The following ARHGEF18 variants were observed in gnomAD, a reference collection of about 807,000 sequenced individuals.
ARHGEF18 encodes the protein rho guanine nucleotide exchange factor 18.
A neutral mutation model predicts 155.7 loss-of-function variants in ARHGEF18; 93 were observed. The observed-to-expected ratio is 0.60, with a 90% CI of 0.50 to 0.71. The LOEUF (loss-of-function observed/expected upper bound fraction) is 0.71. ARHGEF18 is among the 30% of genes least tolerant of loss of function. ARHGEF18 has a pLI of 0.00. For synonymous variants in ARHGEF18, 742 were observed against 753.1 expected, an observed-to-expected ratio of 0.99 and a Z score of 0.24; for missense variants, 1,593 against 1,816.1, an observed-to-expected ratio of 0.88 and a Z score of 2.23.
chr19:7,402,753 G>T (rs981106175), intron 10 of ARHGEF18, among the ~76,000 whole-genome samples: 28 of 152,228 alleles, frequency 1.8e-4, no homozygotes, highest in African/African-American at 6.3e-4. Flanking sequence ...GGAGATGTCA[G>T]TGTGCCCATG....
chr19:7,451,446 T>C (rs1262834361), intron 16 of ARHGEF18, among the ~76,000 whole-genome samples, 180 bp downstream of exon 16: 2 of 150,094 alleles, frequency 1.3e-5, no homozygotes, highest in African/African-American at 4.9e-5. Context: ...TCTCACTCTG[T>C]TGCCCAGGCT....
chr19:7,412,545 C>T (rs1972750115), intron 10 of ARHGEF18, among the ~76,000 whole-genome samples: 1 of 151,752 alleles, frequency 6.6e-6, no homozygotes, highest in Non-Finnish European at 1.5e-5. Flanking sequence ...AGTTCCAGAC[C>T]AGCCTGGCCA....
chr19:7,472,617 C>G, downstream of ARHGEF18: 1 of 211,112 alleles, frequency 4.7e-6, no homozygotes, highest in South Asian at 7.4e-5. Context: ...CCTCCGTGTC[C>G]TGCTTAACGC....
intron 15 of ARHGEF18, among the ~76,000 whole-genome samples, chr19:7,450,576 C>T (rs75262570): frequency 3.8e-5 from 1 of 26,320 alleles, no homozygotes; most frequent in Non-Finnish European, 9.2e-5. Flanking sequence ...GTGTGAATGT[C>T]GATCTTGCTT....
chr19:7,353,175 C>T (rs1009197837), intron 1 of ARHGEF18, among the ~76,000 whole-genome samples: 7 of 151,876 alleles, frequency 4.6e-5, no homozygotes, highest in Non-Finnish European at 7.4e-5. Flanking sequence ...ATTCTTCCAA[C>T]TCTGACTGCC....
chr19:7,465,936 T>C (rs1032704113), intron 23 of ARHGEF18, among the ~76,000 whole-genome samples: 1 of 151,148 alleles, frequency 6.6e-6, no homozygotes, highest in South Asian at 2.1e-4. Flanking sequence ...ATATAAAAAT[T>C]AGCTGGACGT....
intron 10 of ARHGEF18, among the ~76,000 whole-genome samples, chr19:7,386,033 CCT>C (rs142761518): frequency 7.1e-4 from 94 of 131,940 alleles, no homozygotes; most frequent in African/African-American, 2.5e-3. Flanking sequence ...TCCCTCTCTC[CCT>C]CTCTCTCTCT....
At chr19:7,378,476 G>C (rs1293663504) in intron 6 of ARHGEF18, 25 bp downstream of exon 6, 3 of 1,234,142 alleles carry the variant, frequency 2.4e-6, no homozygotes, top group Admixed American at 8.5e-5. Flanking sequence ...CGTGGTGGGG[G>C]AGGGACCCCC....
intron 10 of ARHGEF18, among the ~76,000 whole-genome samples, chr19:7,426,440 T>TTGCG (rs1284342031): frequency 6.7e-6 from 1 of 148,516 alleles, no homozygotes. Flanking sequence ...TGAGCTGAGA[T>TTGCG]TGCGCCAGCA....
Position 7,459,231 on chromosome 19 carries a change from TGTTTTTTAGAGTCTG to T in ARHGEF18, c.2360+543_2360+557del, listed in dbSNP as rs1976045902. Among the ~76,000 whole-genome samples, 4 of 151,966 alleles carry T rather than the reference TGTTTTTTAGAGTCTG, an allele frequency of 2.6e-5. No homozygotes were observed. The South Asian group carries it at 8.3e-4, about 32-fold the overall frequency. On this transcript the variant is annotated intron_variant, in intron 19 of 28. Coordinates refer to ENST00000668164, the MANE Select transcript of ARHGEF18 (RefSeq NM_001367823.1). ...CAGCCTATTTTGTTTTGTTTTGTTT[TGTTTTTTAGAGTCTG>T]GCTCTTGCTCTATCACCCAGGCTGG...
intron 3 of ARHGEF18, among the ~76,000 whole-genome samples, chr19:7,375,387 G>GAAGA (rs1568277124): frequency 7.1e-4 from 102 of 144,462 alleles, no homozygotes; most frequent in African/African-American, 2.5e-3. Flanking sequence ...GAAAGAAAAG[G>GAAGA]AAGGAAGGAA....
intron 7 of ARHGEF18, among the ~76,000 whole-genome samples, chr19:7,380,709 C>A (rs748446374): frequency 3.3e-5 from 5 of 152,014 alleles, no homozygotes; most frequent in Non-Finnish European, 7.4e-5. Context: ...AAAACATCTT[C>A]CTGCTACACT....
intron 2 of ARHGEF18, among the ~76,000 whole-genome samples, chr19:7,364,350 A>G (rs1423546189): frequency 7.1e-6 from 1 of 140,256 alleles, no homozygotes; most frequent in Non-Finnish European, 1.5e-5. Flanking sequence ...GAAGAAAGGA[A>G]GGAAGGAGGG....
chr19:7,449,155 C>T (rs1975201187), intron 15 of ARHGEF18, among the ~76,000 whole-genome samples: 1 of 152,120 alleles, frequency 6.6e-6, no homozygotes, highest in African/African-American at 2.4e-5. Flanking sequence ...CAGTGGCTCT[C>T]TGCAAGTGCT....
chr19:7,385,843 C>A lies in ARHGEF18; in HGVS notation c.967+2640C>A, dbSNP rs938607761. Among the ~76,000 whole-genome samples, 41 of 96,774 alleles carry A rather than the reference C, an allele frequency of 4.2e-4. No individual in the cohort carries two copies. The East Asian group carries it at 8.5e-3, about 20-fold the overall frequency. 63.5% of individuals were successfully genotyped at this position (96,774 alleles called of 152,430 possible). A position where few individuals can be genotyped will look rare whatever the true frequency, so the allele number is the denominator to read the frequency against. ...GATCTATCTCTCTCTATCTCTCTCT[C>A]TCTCTCTCTCTCTCTCTCTCTCTCT... On this transcript the variant is annotated intron_variant, in intron 10 of 28. Transcript: ENST00000668164.
chr19:7,443,373 T>C (rs1974791753), intron 13 of ARHGEF18, among the ~76,000 whole-genome samples: 1 of 152,116 alleles, frequency 6.6e-6, no homozygotes, highest in South Asian at 2.1e-4. Context: ...CTCATTTTTT[T>C]ATTTTTTGGT....
chr19:7,468,793 C>A, intron 26 of ARHGEF18, 32 bp from the exon 27 acceptor site: 1 of 1,501,824 alleles, frequency 6.7e-7, no homozygotes, highest in Non-Finnish European at 8.9e-7. Context: ...GCAGGAACCT[C>A]ACATTGGATG....
At chr19:7,361,948 C>T (rs1044909185) in intron 1 of ARHGEF18, among the ~76,000 whole-genome samples, 11 of 150,550 alleles carry the variant, frequency 7.3e-5, no homozygotes, top group Admixed American at 2.7e-4. Flanking sequence ...GCTGAGATCA[C>T]GCCACTGCAC....
chr19:7,442,394 T>A (rs1015411526), intron 13 of ARHGEF18, among the ~76,000 whole-genome samples: 3 of 152,038 alleles, frequency 2.0e-5, no homozygotes, highest in African/African-American at 7.2e-5. Context: ...CCACTACACC[T>A]GGCGAATTTT....
Sources: allele counts gnomAD v4.1 joint callset (sites outside exome capture counted in the v4.1 genomes callset), GRCh38; gene constraint gnomAD v4.1.1; transcripts MANE v1.5; gene names NCBI Gene and HGNC (gene_info 2026-07-23, HGNC 2026-07-21).